ADCY1: variants seen among roughly 807,000 people sequenced by gnomAD.
ADCY1 encodes the protein adenylate cyclase 1, also known as adenylate cyclase type 1.
In ADCY1, 28 loss-of-function variants were observed where a neutral mutation model predicts 105.4. That is an observed-to-expected ratio of 0.27 (90% CI 0.20 to 0.36). The LOEUF (loss-of-function observed/expected upper bound fraction) is 0.36, where lower values mean the gene tolerates loss of function less well. Among genes scored for constraint, ADCY1 ranks in the 10% least tolerant of loss-of-function variants. The probability of loss-of-function intolerance (pLI) is 1.00; values close to 1 mark genes in which losing one functional copy is unlikely to be tolerated. For missense variants in ADCY1, 977 were observed against 1,434.2 expected (o/e 0.68, Z 5.15); for synonymous variants, 655 against 623.8 (o/e 1.05, Z -0.75).
rs530037081 is a variant in ADCY1 at position 45,588,605 on chromosome 7, G to T, written c.640-4154G>T. 3.3e-5 allele frequency among the ~76,000 whole-genome samples: 5 copies of T among 151,900 alleles called. No homozygotes were observed. In the South Asian group the frequency reaches 8.3e-4, roughly 25 times the overall value. On this transcript the variant is annotated intron_variant, in intron 1 of 19. Transcript: ENST00000297323. Reference sequence around the variant, plus strand: ...CTCCCATAGTGAGGGGCTGGCCCTGGTGATGTTTTCAGGTGGTGCACAGTC... The same window carrying T: ...CTCCCATAGTGAGGGGCTGGCCCTGTTGATGTTTTCAGGTGGTGCACAGTC...
At chr7:45,694,535 C>T (rs1784846327) in intron 14 of ADCY1, among the ~76,000 whole-genome samples, 1 of 152,010 alleles carries the variant, frequency 6.6e-6, no homozygotes, top group Non-Finnish European at 1.5e-5. Context: ...TCTCAAATCA[C>T]CTTAAGAAGC....
chr7:45,649,564 G>A (rs1450609011), intron 5 of ADCY1, among the ~76,000 whole-genome samples: 1 of 152,240 alleles, frequency 6.6e-6, no homozygotes, highest in East Asian at 1.9e-4. Flanking sequence ...GTAGTTGCAG[G>A]TGAAAGGATG....
intron 4 of ADCY1, among the ~76,000 whole-genome samples, chr7:45,641,280 A>G (rs1437624471): frequency 1.3e-5 from 2 of 152,160 alleles, no homozygotes; most frequent in Admixed American, 6.5e-5. Flanking sequence ...CTTGGTTTCT[A>G]TGACTATAAA....
chr7:45,579,341 G>A (rs1305371373), intron 1 of ADCY1, among the ~76,000 whole-genome samples: 1 of 151,952 alleles, frequency 6.6e-6, no homozygotes, highest in Admixed American at 6.6e-5. Context: ...CCCTCTGCTG[G>A]CCCTACCTCC....
chr7:45,718,492 A>G lies in ADCY1; in HGVS notation c.*4497A>G, dbSNP rs779572216. Reference sequence around the variant, plus strand: ...TCGAACTGGGTGGCTTAGGCCTTCAAATTGAGCTTGGGGGTGTCCAAGAGA... The same window carrying G: ...TCGAACTGGGTGGCTTAGGCCTTCAGATTGAGCTTGGGGGTGTCCAAGAGA... On this transcript the variant is annotated 3_prime_UTR_variant, in exon 20 of 20. Coordinates refer to ENST00000297323, the MANE Select transcript of ADCY1 (RefSeq NM_021116.4). 21 of 152,328 alleles carry G rather than the reference A, an allele frequency of 1.4e-4. No homozygotes were observed. The highest frequency in any genetic ancestry group is 2.1e-4 in the Non-Finnish European group (14 of 68,118). 9.4% of individuals were successfully genotyped at this position (152,328 alleles called of 1,614,324 possible).
At chr7:45,636,146 C>A (rs1363479344) in intron 4 of ADCY1, among the ~76,000 whole-genome samples, 2 of 152,048 alleles carry the variant, frequency 1.3e-5, no homozygotes, top group Non-Finnish European at 2.9e-5. Flanking sequence ...TTCAACTTTC[C>A]TTTGACTATT....
At chr7:45,608,449 G>A (rs1339950611) in intron 2 of ADCY1, among the ~76,000 whole-genome samples, 1 of 152,208 alleles carries the variant, frequency 6.6e-6, no homozygotes, top group East Asian at 1.9e-4. Flanking sequence ...ATGAAAATAA[G>A]GGTCTCTCTT....
chr7:45,708,885 T>C lies in ADCY1; in HGVS notation c.2932+421T>C, dbSNP rs1047159121. Among the ~76,000 whole-genome samples, 3 of 152,136 alleles carry C rather than the reference T, an allele frequency of 2.0e-5. No individual in the cohort carries two copies. The highest frequency in any genetic ancestry group is 4.8e-5 in the African/African-American group (2 of 41,436). The stretch of plus-strand genomic sequence containing the variant: ...CAGCCGCCCTGTGTCTTCTCCAGGC[T>C]CCTTCCCTCACCTGTGTCGTGAGGA... On this transcript the variant is annotated intron_variant, in intron 18 of 19. Transcript: ENST00000297323. The surrounding 1 kb of genome is among the most constrained non-coding windows in gnomAD (Gnocchi z 4.7).
chr7:45,669,488 TGA>T (rs1422247218), intron 8 of ADCY1, among the ~76,000 whole-genome samples: 1 of 152,242 alleles, frequency 6.6e-6, no homozygotes. Context: ...CACTGTGGTC[TGA>T]GAGACAGTTT....
At chr7:45,583,702 G>C (rs1792630588) in intron 1 of ADCY1, among the ~76,000 whole-genome samples, 1 of 151,546 alleles carries the variant, frequency 6.6e-6, no homozygotes, top group South Asian at 2.1e-4. Context: ...GTGCAGTGGC[G>C]CTGTCTCGGC....
chr7:45,666,496 A>G (rs1784258121), intron 8 of ADCY1, among the ~76,000 whole-genome samples: 2 of 152,214 alleles, frequency 1.3e-5, no homozygotes, highest in South Asian at 2.1e-4. Flanking sequence ...CATGGTGTAT[A>G]TGTACCACAT....
chr7:45,607,597 C>T (rs1258626552), intron 2 of ADCY1, among the ~76,000 whole-genome samples: 2 of 152,168 alleles, frequency 1.3e-5, no homozygotes, highest in South Asian at 2.1e-4. Context: ...TGCCTCCCTC[C>T]GTCCCTCTCT....
chr7:45,589,005 C>T (rs1792823467), intron 1 of ADCY1, among the ~76,000 whole-genome samples: 1 of 152,164 alleles, frequency 6.6e-6, no homozygotes, highest in Non-Finnish European at 1.5e-5. Flanking sequence ...TGTTGGGTTT[C>T]TCCTTAGGTC....
chr7:45,700,402 A>G (rs1388240670), intron 14 of ADCY1, among the ~76,000 whole-genome samples: 1 of 152,144 alleles, frequency 6.6e-6, no homozygotes, highest in Admixed American at 6.5e-5. Context: ...TTCAGCCCCA[A>G]AGTTAGAGAC....
intron 4 of ADCY1, among the ~76,000 whole-genome samples, chr7:45,640,533 C>T (rs1794504376): frequency 6.6e-6 from 1 of 152,096 alleles, no homozygotes; most frequent in African/African-American, 2.4e-5. Context: ...TTTAAAATGT[C>T]GAGGCAACAG....
At chr7:45,645,910 G>T (rs1052456728) in intron 4 of ADCY1, among the ~76,000 whole-genome samples, 8 of 151,662 alleles carry the variant, frequency 5.3e-5, no homozygotes, top group Non-Finnish European at 1.0e-4. Context: ...GCCCTCATTT[G>T]GGCCTCTGAG....
intron 2 of ADCY1, among the ~76,000 whole-genome samples, chr7:45,602,175 C>T (rs2115824638): frequency 6.6e-6 from 1 of 151,588 alleles, no homozygotes; most frequent in Admixed American, 6.6e-5. Flanking sequence ...GTGAGCTCTG[C>T]CTTCCTTCTG....
intron 10 of ADCY1, among the ~76,000 whole-genome samples, chr7:45,679,327 C>T (rs2471255): frequency 0.96 from 146,837 of 152,254 alleles, 71,012 homozygotes; most frequent in East Asian, 1. Flanking sequence ...TCTAAAAATG[C>T]CCTTCCCAGA....
intron 2 of ADCY1, 36 bp downstream of exon 2, chr7:45,592,944 G>T (rs757233303): frequency 6.2e-7 from 1 of 1,610,678 alleles, no homozygotes; most frequent in South Asian, 1.1e-5. Flanking sequence ...AGAGGGGTTG[G>T]CTGTGGGGCT....
Sources: gnomAD v4.1 joint callset for allele counts (sites outside exome capture counted in the v4.1 genomes callset) on GRCh38, gnomAD v4.1.1 for gene constraint, Gnocchi (gnomAD v3.1) non-coding constraint, MANE v1.5 for transcripts, NCBI Gene and HGNC (gene_info 2026-07-23, HGNC 2026-07-21) for gene names.